Variants in ITGA1 observed in about 807,000 individuals in gnomAD.
ITGA1 encodes the protein integrin alpha-1.
Under a neutral mutation model 145.9 loss-of-function variants are expected in ITGA1, and 85 were observed. The observed-to-expected ratio is 0.58, with a 90% confidence interval of 0.49 to 0.70. ITGA1 has a LOEUF of 0.70. ITGA1 is among the 30% of genes least tolerant of loss of function. The pLI is 0.00. For synonymous variants in ITGA1, 520 were observed against 495.3 expected, an observed-to-expected ratio of 1.05 and a Z score of -0.66; for missense variants, 1,351 against 1,418.7, an observed-to-expected ratio of 0.95 and a Z score of 0.77.
At chr5:52,875,548 A>G (rs1400182607) in intron 6 of ITGA1, among the ~76,000 whole-genome samples, 1 of 152,104 alleles carries the variant, frequency 6.6e-6, no homozygotes, top group African/African-American at 2.4e-5. Flanking sequence ...CAGGAGGTAA[A>G]TGTATCCTTT....
Position 52,881,878 on chromosome 5 carries a change from A to T in ITGA1, c.630A>T (p.Gly210=), listed in dbSNP as rs888204034. ...ACAGTGGCTTGGTATTTCAGGTTGG[A>T]ATTGTACAGTATGGAGAAAACGTGA... ...MDIGPKQTQV[G]IVQYGENVTH... The change falls in exon 7 of 29, where the codon GGA becomes GGT. Residue 210 remains glycine, a synonymous_variant. Transcript: ENST00000282588. 1 of 1,610,178 alleles carries T rather than the reference A, an allele frequency of 6.2e-7. No homozygotes were observed. Among genetic ancestry groups the T allele is most frequent in the Non-Finnish European group, 8.5e-7 (1 of 1,178,458 alleles).
chr5:52,950,151 G>C (rs1424794388), intron 28 of ITGA1, among the ~76,000 whole-genome samples: 3 of 152,158 alleles, frequency 2.0e-5, no homozygotes, highest in Non-Finnish European at 4.4e-5. Flanking sequence ...GGTTTAAATA[G>C]GTGGAGAAAC....
intron 1 of ITGA1, among the ~76,000 whole-genome samples, chr5:52,847,167 T>C (rs2111747403): frequency 6.6e-6 from 1 of 152,330 alleles, no homozygotes; most frequent in East Asian, 1.9e-4. Flanking sequence ...AAGGAGGTTT[T>C]AGAAGTTTAA....
chr5:52,907,089 T>C (rs564283218), intron 12 of ITGA1, among the ~76,000 whole-genome samples: 56 of 152,276 alleles, frequency 3.7e-4, no homozygotes, highest in African/African-American at 1.3e-3. Context: ...CAGTAAGAGG[T>C]TATTTTTACC....
At chr5:52,824,208 C>T (rs1748923159) in intron 1 of ITGA1, 1 of 151,768 alleles carries the variant, frequency 6.6e-6, no homozygotes, top group African/African-American at 2.4e-5. Context: ...GATTCATCCA[C>T]ATTTTAATAT....
intron 3 of ITGA1, among the ~76,000 whole-genome samples, chr5:52,862,925 A>G (rs1379489026): frequency 2.0e-5 from 3 of 152,166 alleles, no homozygotes; most frequent in African/African-American, 7.2e-5. Flanking sequence ...ATGCATAAGC[A>G]TACTTATAAT....
At position 52,933,940 on chromosome 5, in the gene ITGA1, C is replaced by A; in HGVS notation, c.2908C>A (p.Pro970Thr). 3 of 1,530,682 alleles carry A rather than the reference C, an allele frequency of 2.0e-6. No individual in the cohort carries two copies. The highest frequency in any genetic ancestry group is 2.6e-6 in the Non-Finnish European group (3 of 1,134,090). The allele number at this position is 1,530,682 out of a possible 1,614,324, so 94.8% of individuals were successfully genotyped here. ...TTCAATTGCTGCCAATGAGACAGTC[C>A]CTGAAGTTATTAATTCTACTGAGGA... ...HISIAANETVPEVINSTEDIG... is the reference protein window; with the variant it reads ...HISIAANETVTEVINSTEDIG... Residue 970 changes from proline (P) to threonine (T), a missense_variant, in exon 23 of 29, where the codon CCT becomes ACT. Physicochemically the swap from Pro to Thr is conservative, Grantham distance 38 (BLOSUM62 -1). Transcript: ENST00000282588.
intron 12 of ITGA1, among the ~76,000 whole-genome samples, chr5:52,906,608 G>A (rs1750412863): frequency 6.6e-6 from 1 of 152,146 alleles, no homozygotes; most frequent in Non-Finnish European, 1.5e-5. Flanking sequence ...TTTTGTTGTT[G>A]TTATTTTTGA....
chr5:52,937,741 C>T (rs576818600), intron 24 of ITGA1, among the ~76,000 whole-genome samples: 10 of 152,284 alleles, frequency 6.6e-5, no homozygotes, highest in East Asian at 1.9e-4. Flanking sequence ...TATTCTTTCA[C>T]GGTTCTGGAG....
At chr5:52,833,058 G>T (rs1561221904) in intron 1 of ITGA1, among the ~76,000 whole-genome samples, 1 of 151,844 alleles carries the variant, frequency 6.6e-6, no homozygotes, top group Non-Finnish European at 1.5e-5. Flanking sequence ...TGGGCATGGT[G>T]GTACACACTT....
intron 2 of ITGA1, among the ~76,000 whole-genome samples, chr5:52,858,552 T>A (rs540690616): frequency 6.6e-6 from 1 of 152,368 alleles, no homozygotes; most frequent in East Asian, 1.9e-4. Flanking sequence ...AAAATATTGT[T>A]AATAAACATT....
chr5:52,823,960 G>T (rs1748919419), intron 1 of ITGA1, among the ~76,000 whole-genome samples: 1 of 152,256 alleles, frequency 6.6e-6, no homozygotes, highest in Non-Finnish European at 1.5e-5. Flanking sequence ...AGCACATTCT[G>T]GTGATAGTAT....
At chr5:52,892,886 G>A (rs950727786) in intron 8 of ITGA1, among the ~76,000 whole-genome samples, 1 of 151,906 alleles carries the variant, frequency 6.6e-6, no homozygotes, top group African/African-American at 2.4e-5. Context: ...TTGGGGTGAT[G>A]TAAATATTCT....
At chr5:52,922,683 G>A (rs1283003373) in intron 17 of ITGA1, 94 bp from the exon 18 acceptor site, 6 of 800,692 alleles carry the variant, frequency 7.5e-6, no homozygotes, top group Non-Finnish European at 1.1e-5. Context: ...GCTGCAGTAA[G>A]CCTGACCCTT....
intron 22 of ITGA1, 23 bp downstream of exon 22, chr5:52,932,159 T>G: frequency 7.2e-7 from 1 of 1,387,858 alleles, no homozygotes; most frequent in Non-Finnish European, 1.0e-6. Flanking sequence ...TACATTTTTA[T>G]GTGGATGCCT....
intron 1 of ITGA1, chr5:52,801,489 T>C (rs1389855970): frequency 1.2e-6 from 2 of 1,613,936 alleles, no homozygotes; most frequent in African/African-American, 1.3e-5. Flanking sequence ...TTTCAGACAC[T>C]AAAGCTGCTG....
chr5:52,950,542 T>C (rs1751203080), intron 28 of ITGA1, among the ~76,000 whole-genome samples: 1 of 152,188 alleles, frequency 6.6e-6, no homozygotes, highest in Admixed American at 6.5e-5. Context: ...AAGCCAGTGC[T>C]GCAAAGAAAG....
chr5:52,841,503 A>G (rs1749253291), intron 1 of ITGA1, among the ~76,000 whole-genome samples: 1 of 152,192 alleles, frequency 6.6e-6, no homozygotes, highest in South Asian at 2.1e-4. Context: ...ATGTAGTACT[A>G]TAGAGTTTTT....
rs1048479442 is a variant in ITGA1, at chr5:52,915,600, T to A, written c.1988+6T>A. ...GGTGGTGCTGCCCTCTTCTGGTATG[T>A]ATTTTAATAACATCCTGTTAATCTG... is the stretch of plus-strand genomic sequence containing the variant. On this transcript the variant is annotated splice_donor_region_variant and intron_variant, in intron 15 of 28. Coordinates refer to ENST00000282588, the MANE Select transcript of ITGA1 (RefSeq NM_181501.2). The A allele has an allele frequency of 1.2e-6, 2 of 1,613,252 alleles. No homozygotes were observed. Among genetic ancestry groups the A allele is most frequent in the African/African-American group, 2.7e-5 (2 of 74,894 alleles).
Sources: allele counts gnomAD v4.1 joint callset (sites outside exome capture counted in the v4.1 genomes callset), GRCh38; gene constraint gnomAD v4.1.1; transcripts MANE v1.5; gene names NCBI Gene and HGNC (gene_info 2026-07-23, HGNC 2026-07-21).